SLCO5A1: variants seen among roughly 807,000 people sequenced by gnomAD.
The protein encoded by SLCO5A1 is organic anion transporter polypeptide-related protein 4.
A neutral mutation model predicts 65.1 loss-of-function variants in SLCO5A1; 39 were observed. The ratio of observed to expected loss-of-function variants is 0.60; its 90% CI spans 0.46 to 0.78. The LOEUF (loss-of-function observed/expected upper bound fraction) is 0.78. Among genes scored for constraint, SLCO5A1 ranks in the 30% least tolerant of loss-of-function variants. The pLI, the probability that SLCO5A1 is intolerant of heterozygous loss-of-function variation, is 0.00. For synonymous variants in SLCO5A1, 438 were observed against 415.7 expected, an observed-to-expected ratio of 1.05 and a Z score of -0.65; for missense variants, 1,029 against 1,069.4, an observed-to-expected ratio of 0.96 and a Z score of 0.53.
In SLCO5A1 at chr8:69,788,067, C is replaced by A. The variant is rs762826729; in HGVS notation, c.908-26192G>T. Among the ~76,000 whole-genome samples, 16 of 152,110 alleles carry A rather than the reference C, an allele frequency of 1.1e-4. 1 individual carries two copies. Among genetic ancestry groups the A allele is most frequent in the Admixed American group, 3.3e-4 (5 of 15,272 alleles). On this transcript the variant is annotated intron_variant, in intron 2 of 9. Coordinates refer to ENST00000260126, the MANE Select transcript of SLCO5A1 (RefSeq NM_030958.3). ...TATAGGATTTTAATCTCATTAGAGT[C>A]CTACATAACAAATCCAGAGGTAGAT...
intron 4 of SLCO5A1, among the ~76,000 whole-genome samples, chr8:69,752,044 A>G (rs1030068076): frequency 6.6e-6 from 1 of 152,154 alleles, no homozygotes; most frequent in African/African-American, 2.4e-5. Context: ...CAGCCTGTGA[A>G]ACATGGTAAA....
intron 2 of SLCO5A1, among the ~76,000 whole-genome samples, chr8:69,767,959 T>C (rs1818147878): frequency 6.7e-6 from 1 of 150,356 alleles, no homozygotes; most frequent in South Asian, 2.1e-4. Flanking sequence ...AGTTGTGGCC[T>C]GTAATCCCCA....
intron 5 of SLCO5A1, among the ~76,000 whole-genome samples, chr8:69,710,452 A>T (rs1815188349): frequency 6.6e-6 from 1 of 152,096 alleles, no homozygotes; most frequent in African/African-American, 2.4e-5. Context: ...GGCCCTAATT[A>T]TCACAGCGAC....
intron 5 of SLCO5A1, among the ~76,000 whole-genome samples, chr8:69,709,116 G>A (rs904797548): frequency 6.6e-6 from 1 of 152,198 alleles, no homozygotes; most frequent in Non-Finnish European, 1.5e-5. Flanking sequence ...CCTAGAGTTT[G>A]AGAATCCAGT....
intron 1 of SLCO5A1, 132 bp from the exon 2 acceptor site, chr8:69,833,301 GC>G: frequency 6.6e-6 from 1 of 152,484 alleles, no homozygotes; most frequent in Non-Finnish European, 1.5e-5. Flanking sequence ...CAGGAGCGGA[GC>G]CCCGGAGGAC....
At chr8:69,742,608 T>C (rs895497742) in intron 4 of SLCO5A1, among the ~76,000 whole-genome samples, 4 of 152,152 alleles carry the variant, frequency 2.6e-5, no homozygotes, top group African/African-American at 9.7e-5. Context: ...TGGCAGATCA[T>C]TTGCTCCTTC....
chr8:69,761,610 C>A, intron 3 of SLCO5A1, 133 bp downstream of exon 3: 1 of 872,132 alleles, frequency 1.1e-6, no homozygotes, highest in East Asian at 2.6e-5. Flanking sequence ...TATTAACCTG[C>A]CTGTCACCCC....
chr8:69,794,226 T>C (rs1019146146), intron 2 of SLCO5A1: 3 of 451,168 alleles, frequency 6.6e-6, no homozygotes, highest in Non-Finnish European at 1.3e-5. Context: ...TTGTGCCCTG[T>C]GGTACCCTGC....
intron 5 of SLCO5A1, among the ~76,000 whole-genome samples, chr8:69,737,616 A>G (rs1816613030): frequency 6.6e-6 from 1 of 152,176 alleles, no homozygotes; most frequent in African/African-American, 2.4e-5. Flanking sequence ...CCAGTAATTC[A>G]AATAAAATCT....
chr8:69,829,007 G>C (rs1821048191), intron 2 of SLCO5A1, among the ~76,000 whole-genome samples: 2 of 152,114 alleles, frequency 1.3e-5, no homozygotes, highest in South Asian at 4.1e-4. Flanking sequence ...AGATCAGCAA[G>C]AATATGAAAA....
intron 6 of SLCO5A1, among the ~76,000 whole-genome samples, chr8:69,703,408 C>T (rs148994956): frequency 0.016 from 2,393 of 152,180 alleles, 39 homozygotes; most frequent in Non-Finnish European, 0.026. Context: ...TAACTGGGCA[C>T]GGTGCCATAT....
chr8:69,781,679 CAG>C (rs1206063081), intron 2 of SLCO5A1, among the ~76,000 whole-genome samples: 1 of 151,480 alleles, frequency 6.6e-6, no homozygotes, highest in Non-Finnish European at 1.5e-5. Context: ...TTTTTTGAGA[CAG>C]AGTTTCACTC....
intron 2 of SLCO5A1, among the ~76,000 whole-genome samples, chr8:69,824,633 C>A (rs1820791019): frequency 6.6e-6 from 1 of 152,136 alleles, no homozygotes; most frequent in Admixed American, 6.5e-5. Flanking sequence ...TGGCAATAAT[C>A]AATAGCCTAC....
intron 2 of SLCO5A1, among the ~76,000 whole-genome samples, chr8:69,814,608 G>T (rs1043553129): frequency 1.3e-5 from 2 of 152,116 alleles, no homozygotes; most frequent in African/African-American, 4.8e-5. Flanking sequence ...GGTTCTCAAA[G>T]AACTAAAAAT....
intron 5 of SLCO5A1, among the ~76,000 whole-genome samples, chr8:69,731,885 A>G (rs1453950089): frequency 6.6e-6 from 1 of 152,188 alleles, no homozygotes; most frequent in Non-Finnish European, 1.5e-5. Flanking sequence ...CTGACCTTGG[A>G]AATGGCCAGT....
intron 5 of SLCO5A1, among the ~76,000 whole-genome samples, chr8:69,723,196 A>C (rs1429844348): frequency 1.3e-5 from 2 of 152,184 alleles, no homozygotes; most frequent in Non-Finnish European, 2.9e-5. Flanking sequence ...TTTTGTTAAT[A>C]ATTTTAATGT....
chr8:69,707,402 T>C (rs1815019174), intron 5 of SLCO5A1, among the ~76,000 whole-genome samples: 1 of 152,018 alleles, frequency 6.6e-6, no homozygotes, highest in Non-Finnish European at 1.5e-5. Context: ...AAAGAAAATG[T>C]CTGCACAAAG....
chr8:69,687,660 C>T (rs1814061394), intron 6 of SLCO5A1, among the ~76,000 whole-genome samples: 1 of 151,796 alleles, frequency 6.6e-6, no homozygotes, highest in African/African-American at 2.4e-5. Flanking sequence ...GTGCTAACAC[C>T]CAGCGATATC....
intron 2 of SLCO5A1, among the ~76,000 whole-genome samples, chr8:69,805,569 G>T (rs1033737971): frequency 6.6e-6 from 1 of 152,194 alleles, no homozygotes; most frequent in Non-Finnish European, 1.5e-5. Context: ...TATGGTGGGA[G>T]AATTCTTCAT....
Sources: gnomAD v4.1 joint callset for allele counts (sites outside exome capture counted in the v4.1 genomes callset) on GRCh38, gnomAD v4.1.1 for gene constraint, MANE v1.5 for transcripts, NCBI Gene and HGNC (gene_info 2026-07-23, HGNC 2026-07-21) for gene names.